The following ADAM10 variants were observed in gnomAD, a reference collection of about 807,000 sequenced individuals.
The protein encoded by ADAM10 is disintegrin and metalloproteinase domain-containing protein 10.
ADAM10 carries 17 observed loss-of-function variants against 90.1 expected under a neutral mutation model. The ratio of observed to expected loss-of-function variants is 0.19; its 90% confidence interval spans 0.13 to 0.28. The LOEUF (loss-of-function observed/expected upper bound fraction) is 0.28. ADAM10 is among the 10% of genes least tolerant of loss of function. ADAM10 has a pLI of 1.00. For missense variants in ADAM10, 610 were observed against 914.3 expected (o/e 0.67, Z 4.29); for synonymous variants, 310 against 298.6 (o/e 1.04, Z -0.40).
chr15:58,603,876 TAAAAAAAAAAAAA>T (rs34718794), intron 14 of ADAM10, among the ~76,000 whole-genome samples: 1 of 72,066 alleles, frequency 1.4e-5, no homozygotes, highest in African/African-American at 5.3e-5. Flanking sequence ...GGTCCAGGGT[TAAAAAAAAAAAAA>T]AAAAAAAAAA....
In ADAM10 at chr15:58,593,861, T is replaced by C. The variant is rs377018889; in HGVS notation, c.*3686A>G. 7.9e-5 allele frequency: 12 copies of C among 152,256 alleles called. No individual in the cohort carries two copies. In the East Asian group the frequency reaches 2.1e-3, roughly 27 times the overall value. The allele number at this position is 152,256 out of a possible 1,614,324, so 9.4% of individuals were successfully genotyped here. A position where few individuals can be genotyped will look rare whatever the true frequency, so the allele number is the denominator to read the frequency against. On this transcript the variant is annotated 3_prime_UTR_variant, in exon 16 of 16. Transcript: ENST00000260408. The stretch of plus-strand genomic sequence containing the variant: ...GTATATATCTAAGACACACAAACAA[T>C]ATAGTAATATAAAACAGAAGGGCTA...
At chr15:58,693,893 GACAA>G (rs1254508329) in intron 2 of ADAM10, among the ~76,000 whole-genome samples, 3 of 151,644 alleles carry the variant, frequency 2.0e-5, no homozygotes, top group African/African-American at 7.3e-5. Flanking sequence ...ACCATTGAAA[GACAA>G]ACAACAATGT....
rs570981156 is a variant in ADAM10 at position 58,702,168 on chromosome 15, A to C, written c.206+15409T>G. ...AGCAATATGAATGGAACTAGAGGTC[A>C]TTATGTTGAGTGAACTAAGCCAAGC... On this transcript the variant is annotated intron_variant, in intron 2 of 15. Transcript: ENST00000260408. 8.5e-5 allele frequency among the ~76,000 whole-genome samples: 13 copies of C among 152,280 alleles called. No homozygotes were observed. The Middle Eastern group carries it at 0.014, about 159-fold the overall frequency.
intron 14 of ADAM10, among the ~76,000 whole-genome samples, chr15:58,600,090 T>C (rs1895068035): frequency 6.7e-6 from 1 of 150,114 alleles, no homozygotes; most frequent in African/African-American, 2.5e-5. Flanking sequence ...TATTTTCTGG[T>C]TTAAATATTG....
Position 58,665,217 on chromosome 15 carries a change from C to T in ADAM10, c.485-20G>A, listed in dbSNP as rs747727871. 2.6e-6 allele frequency: 4 copies of T among 1,519,998 alleles called. No homozygotes were observed. The highest frequency in any genetic ancestry group is 3.3e-5 in the Admixed American group (2 of 59,870). 94.2% of individuals were successfully genotyped at this position (1,519,998 alleles called of 1,614,324 possible). ...GATAGTCTAAAATACAAAGAAGAAA[C>T]GTCATTACTATCACACATTTAGGTA... On this transcript the variant is annotated intron_variant, in intron 4 of 15. Transcript: ENST00000260408.
chr15:58,707,383 A>G (rs1363046475), intron 2 of ADAM10: 1 of 105,772 alleles, frequency 9.5e-6, no homozygotes, highest in Non-Finnish European at 2.0e-5. Context: ...GACTCCATCT[A>G]AAAAAAAAAA....
intron 9 of ADAM10, among the ~76,000 whole-genome samples, chr15:58,630,388 G>C (rs1007768254): frequency 8.5e-5 from 13 of 152,182 alleles, no homozygotes; most frequent in Admixed American, 8.5e-4. Context: ...CAGATGAGGA[G>C]AGATAACACT....
rs1249549261 is a variant in ADAM10, at chr15:58,655,695, AG to A, written c.585+9401del. Among the ~76,000 whole-genome samples, 216 of 68,540 alleles carry A rather than the reference AG, an allele frequency of 3.2e-3. 8 individuals carry two copies. The highest frequency in any genetic ancestry group is 0.018 in the African/African-American group (178 of 9,766). The allele number at this position is 68,540 out of a possible 152,430, so 45.0% of individuals were successfully genotyped here. On this transcript the variant is annotated intron_variant, in intron 5 of 15. Coordinates refer to ENST00000260408, the MANE Select transcript of ADAM10 (RefSeq NM_001110.4). The stretch of plus-strand genomic sequence containing the variant: ...ATACATACATATATATATTATATAT[AG>A]TATATATATATATAGTATATATATA...
chr15:58,742,662 T>C (rs997838635), intron 1 of ADAM10, among the ~76,000 whole-genome samples: 10 of 152,220 alleles, frequency 6.6e-5, no homozygotes, highest in African/African-American at 1.9e-4. Context: ...CTTACAGGAA[T>C]CCAAGTGGTA....
intron 1 of ADAM10, among the ~76,000 whole-genome samples, chr15:58,725,385 A>G (rs113850646): frequency 4.0e-5 from 6 of 150,090 alleles, no homozygotes; most frequent in Non-Finnish European, 7.4e-5. Flanking sequence ...AAAAAAAAAA[A>G]GTAAAAATTA....
intron 3 of ADAM10, among the ~76,000 whole-genome samples, chr15:58,680,442 A>G (rs571935763): frequency 1.3e-5 from 2 of 152,358 alleles, no homozygotes; most frequent in South Asian, 4.1e-4. Context: ...ATTTTTAAAT[A>G]GAACAGTGTC....
chr15:58,699,336 A>T (rs1166805244), intron 2 of ADAM10, among the ~76,000 whole-genome samples: 1 of 152,250 alleles, frequency 6.6e-6, no homozygotes, highest in Non-Finnish European at 1.5e-5. Context: ...GATCACCATC[A>T]TGAAAACACA....
At chr15:58,607,877 T>C (rs560583391) in intron 14 of ADAM10, among the ~76,000 whole-genome samples, 237 of 152,164 alleles carry the variant, frequency 1.6e-3, no homozygotes, top group African/African-American at 5.1e-3. Context: ...ACATCAACTA[T>C]AGAAGAAACT....
rs57199536 is a variant in ADAM10, at chr15:58,689,944, A to ACCC, written c.207-7633_207-7631dup. Among the ~76,000 whole-genome samples, 48 of 75,252 alleles carry ACCC rather than the reference A, an allele frequency of 6.4e-4. No homozygotes were observed. In the East Asian group the frequency reaches 0.013, roughly 21 times the overall value. 49.4% of individuals were successfully genotyped at this position (75,252 alleles called of 152,430 possible). On this transcript the variant is annotated intron_variant, in intron 2 of 15. Transcript: ENST00000260408. ...ACTCTGATTCCAAAACCAAAGACAG[A>ACCC]CCCCCCCCAAAAAAAAAAAAAAAAG...
At chr15:58,706,607 G>T (rs753262766) in intron 2 of ADAM10, among the ~76,000 whole-genome samples, 1 of 152,116 alleles carries the variant, frequency 6.6e-6, no homozygotes, top group East Asian at 1.9e-4. Context: ...AGGAGAGGAG[G>T]AGGGGAAGAG....
At chr15:58,690,197 T>A (rs959360161) in intron 2 of ADAM10, among the ~76,000 whole-genome samples, 3 of 152,152 alleles carry the variant, frequency 2.0e-5, no homozygotes, top group Non-Finnish European at 4.4e-5. Flanking sequence ...CACCTACTCA[T>A]GATAAAATTC....
chr15:58,660,248 G>T (rs1896935690), intron 5 of ADAM10, among the ~76,000 whole-genome samples: 1 of 151,564 alleles, frequency 6.6e-6, no homozygotes, highest in East Asian at 1.9e-4. Flanking sequence ...GGAGTACACT[G>T]GTGCAATCAA....
chr15:58,653,570 A>G lies in ADAM10; in HGVS notation c.586-7366T>C, dbSNP rs568165866. On this transcript the variant is annotated intron_variant, in intron 5 of 15. Transcript: ENST00000260408. ...TGCATCCCTGGGATAAATACCACTT[A>G]GTCATGATGAATGATCTTTTTAATG... Among the ~76,000 whole-genome samples the G allele has an allele frequency of 3.3e-5, 5 of 152,278 alleles. No individual in the cohort carries two copies. In the East Asian group the frequency reaches 9.6e-4, roughly 29 times the overall value.
rs975615238 is a variant in ADAM10, at chr15:58,723,935, A to G, written c.56-6208T>C. On this transcript the variant is annotated intron_variant, in intron 1 of 15. Transcript: ENST00000260408. Reference sequence around the variant, plus strand: ...AGCAGAATCAGTCTTAGATTATATTAAGAAATTCATATTGGCCAGACGTGA... The same window carrying G: ...AGCAGAATCAGTCTTAGATTATATTGAGAAATTCATATTGGCCAGACGTGA... Among the ~76,000 whole-genome samples, 7 of 152,156 alleles carry G rather than the reference A, an allele frequency of 4.6e-5. No homozygotes were observed. In the South Asian group the frequency reaches 1.5e-3, roughly 32 times the overall value.
Sources: gnomAD v4.1 joint callset for allele counts (sites outside exome capture counted in the v4.1 genomes callset) on GRCh38, gnomAD v4.1.1 for gene constraint, MANE v1.5 for transcripts, NCBI Gene and HGNC (gene_info 2026-07-23, HGNC 2026-07-21) for gene names.